ADAMTS17: variants seen among roughly 807,000 people sequenced by gnomAD.
ADAMTS17 encodes A disintegrin and metalloproteinase with thrombospondin motifs 17.
In ADAMTS17, 113 loss-of-function variants were observed where a neutral mutation model predicts 141.5. The ratio of observed to expected loss-of-function variants is 0.80; its 90% CI spans 0.69 to 0.93. The LOEUF is 0.93. ADAMTS17 is among the 40% of genes least tolerant of loss of function. The probability of loss-of-function intolerance (pLI) is 0.00; values close to 1 mark genes in which losing one functional copy is unlikely to be tolerated. For missense variants in ADAMTS17, 1,659 were observed against 1,517.9 expected, an observed-to-expected ratio of 1.09 and a Z score of -1.54; for synonymous variants, 768 against 630.6, an observed-to-expected ratio of 1.22 and a Z score of -3.27.
intron 8 of ADAMTS17, among the ~76,000 whole-genome samples, chr15:100,162,489 G>A (rs1309134020): frequency 2.4e-5 from 3 of 124,784 alleles, no homozygotes; most frequent in African/African-American, 3.0e-5. Flanking sequence ...GTATATATAT[G>A]CACATATACA....
At chr15:100,339,486 G>C (rs2046300021) in intron 2 of ADAMTS17, among the ~76,000 whole-genome samples, 1 of 152,150 alleles carries the variant, frequency 6.6e-6, no homozygotes, top group Admixed American at 6.5e-5. Context: ...GTCCCTCCCA[G>C]AACATGATAC....
chr15:100,023,246 G>A (rs777450091), intron 18 of ADAMTS17, among the ~76,000 whole-genome samples: 7 of 151,760 alleles, frequency 4.6e-5, no homozygotes, highest in Non-Finnish European at 1.0e-4. Context: ...TTGTTGCCCA[G>A]GATAAAGTGC....
chr15:100,317,573 G>A (rs2045604603), intron 3 of ADAMTS17, among the ~76,000 whole-genome samples: 1 of 152,176 alleles, frequency 6.6e-6, no homozygotes, highest in African/African-American at 2.4e-5. Flanking sequence ...AAATGCCACA[G>A]GGCTGTGCTC....
chr15:100,046,372 C>A (rs887010811), intron 18 of ADAMTS17, among the ~76,000 whole-genome samples: 3 of 152,182 alleles, frequency 2.0e-5, no homozygotes, highest in Admixed American at 1.3e-4. Context: ...GCGGAGTAGA[C>A]TGGCCCACTC....
intron 13 of ADAMTS17, among the ~76,000 whole-genome samples, chr15:100,111,219 T>A (rs1223732173): frequency 6.6e-6 from 1 of 152,164 alleles, no homozygotes; most frequent in African/African-American, 2.4e-5. Flanking sequence ...ACGTGATGTT[T>A]GCTTCTGAAG....
chr15:100,028,261 T>C (rs1439350019), intron 18 of ADAMTS17, among the ~76,000 whole-genome samples: 3 of 152,224 alleles, frequency 2.0e-5, no homozygotes, highest in Non-Finnish European at 4.4e-5. Flanking sequence ...CAAAAATGCA[T>C]GCAAACCATC....
At chr15:100,136,548 G>T (rs186865455) in intron 10 of ADAMTS17, among the ~76,000 whole-genome samples, 4 of 152,308 alleles carry the variant, frequency 2.6e-5, no homozygotes, top group Non-Finnish European at 5.9e-5. Flanking sequence ...AAAGTGCTCA[G>T]GTTCCTGTCA....
intron 12 of ADAMTS17, among the ~76,000 whole-genome samples, chr15:100,118,925 G>A (rs543283821): frequency 6.9e-4 from 105 of 152,192 alleles, no homozygotes; most frequent in African/African-American, 2.3e-3. Context: ...AGTGCAACCC[G>A]ATTTGGAAAC....
intron 2 of ADAMTS17, among the ~76,000 whole-genome samples, chr15:100,334,251 C>A (rs2141968800): frequency 6.6e-6 from 1 of 152,304 alleles, no homozygotes; most frequent in Non-Finnish European, 1.5e-5. Context: ...CTCGGCATAG[C>A]TTAGAAAATG....
At chr15:100,261,336 T>C in intron 6 of ADAMTS17, 143 bp downstream of exon 6, 1 of 1,043,734 alleles carries the variant, frequency 9.6e-7, no homozygotes, top group Non-Finnish European at 1.4e-6. Context: ...AACCCCCACT[T>C]ACTAATGAGG....
intron 15 of ADAMTS17, chr15:100,063,788 C>CCA (rs1443214996): frequency 7.0e-6 from 9 of 1,277,154 alleles, no homozygotes; most frequent in Non-Finnish European, 8.2e-6. Context: ...CAGAAGTAAA[C>CCA]CACACCTCCA....
chr15:100,140,594 C>T (rs1007036455), intron 10 of ADAMTS17, among the ~76,000 whole-genome samples: 1 of 151,510 alleles, frequency 6.6e-6, no homozygotes, highest in Non-Finnish European at 1.5e-5. Flanking sequence ...TCACCAAGTC[C>T]AGACATCATA....
At chr15:100,109,905 C>A (rs34829964) in intron 13 of ADAMTS17, among the ~76,000 whole-genome samples, 46,793 of 151,850 alleles carry the variant, frequency 0.31, 7,160 homozygotes, top group East Asian at 0.37. Flanking sequence ...GCAGGAGCAG[C>A]ATCTCCACAT....
At chr15:100,077,091 A>C (rs1301837708) in intron 15 of ADAMTS17, among the ~76,000 whole-genome samples, 5 of 151,966 alleles carry the variant, frequency 3.3e-5, no homozygotes, top group Non-Finnish European at 7.4e-5. Flanking sequence ...CACATATAAA[A>C]AGGATTCTAC....
chr15:100,143,895 A>G (rs147386870), intron 10 of ADAMTS17, among the ~76,000 whole-genome samples: 1 of 152,314 alleles, frequency 6.6e-6, no homozygotes, highest in East Asian at 1.9e-4. Context: ...ATTGGTCTTA[A>G]AACAGCTATG....
At chr15:100,196,191 T>C (rs1297079724) in intron 8 of ADAMTS17, among the ~76,000 whole-genome samples, 1 of 152,258 alleles carries the variant, frequency 6.6e-6, no homozygotes, top group Non-Finnish European at 1.5e-5. Context: ...CAAATTGGAT[T>C]AGAGCCAGTT....
intron 3 of ADAMTS17, among the ~76,000 whole-genome samples, chr15:100,292,067 ACG>A (rs2044643899): frequency 7.5e-6 from 1 of 132,862 alleles, no homozygotes; most frequent in South Asian, 2.4e-4. Flanking sequence ...GTCACGAGAG[ACG>A]CTCAGCCCGT....
At chr15:100,123,197 AACCGGAGAG>A (rs2037539085) in intron 12 of ADAMTS17, among the ~76,000 whole-genome samples, 1 of 152,280 alleles carries the variant, frequency 6.6e-6, no homozygotes, top group African/African-American at 2.4e-5. Flanking sequence ...CCCCAAAAGC[AACCGGAGAG>A]ACCACCCTCA....
At chr15:100,281,559 C>A (rs1370548662) in intron 3 of ADAMTS17, among the ~76,000 whole-genome samples, 158 bp from the exon 4 acceptor site, 1 of 152,186 alleles carries the variant, frequency 6.6e-6, no homozygotes, top group East Asian at 1.9e-4. Context: ...ATGTGGGTGC[C>A]CCGAGTTCAC....
Sources: gnomAD v4.1 joint callset for allele counts (sites outside exome capture counted in the v4.1 genomes callset) on GRCh38, gnomAD v4.1.1 for gene constraint, MANE v1.5 for transcripts, NCBI Gene and HGNC (gene_info 2026-07-23, HGNC 2026-07-21) for gene names.